Variants in INPP5A observed in about 807,000 individuals in gnomAD.
INPP5A encodes the protein 43 kDa inositol polyphosphate 5-phophatase.
INPP5A carries 14 observed loss-of-function variants against 65.2 expected under a neutral mutation model. The observed-to-expected ratio is 0.21, with a 90% CI of 0.14 to 0.34. The LOEUF (loss-of-function observed/expected upper bound fraction) is 0.34. Among genes scored for constraint, INPP5A ranks in the 10% least tolerant of loss-of-function variants. The pLI is 1.00. For synonymous variants in INPP5A, 207 were observed against 208.3 expected (o/e 0.99, Z 0.05); for missense variants, 431 against 545.6 (o/e 0.79, Z 2.09).
In INPP5A at chr10:132,670,689, C is replaced by T. The variant is rs545797090; in HGVS notation, c.307-19703C>T. Among the ~76,000 whole-genome samples the T allele has an allele frequency of 7.2e-5, 11 of 152,002 alleles. No homozygotes were observed. In the South Asian group the frequency reaches 2.3e-3, roughly 32 times the overall value. ...TGGGAGGTCCCAGTGGGGAGCCTGT[C>T]TTCTCCCCAGAACACCCAGTCTCCC... On this transcript the variant is annotated intron_variant, in intron 4 of 15. Coordinates refer to ENST00000368594, the MANE Select transcript of INPP5A (RefSeq NM_005539.5).
chr10:132,778,181 T>G (rs946049036), intron 13 of INPP5A, among the ~76,000 whole-genome samples: 6 of 151,990 alleles, frequency 3.9e-5, no homozygotes, highest in African/African-American at 1.5e-4. Context: ...TTTCCTAAGT[T>G]GTAAATTAGA....
At position 132,650,534 on chromosome 10, in the gene INPP5A, G is replaced by T. The variant is rs1430671201; in HGVS notation, c.306+29G>T. On this transcript the variant is annotated intron_variant, in intron 4 of 15. Transcript: ENST00000368594. The surrounding 1 kb of genome is among the most constrained non-coding windows in gnomAD (Gnocchi z 5.5). ...AGTCCCTCCCGCTGCCTGGTGCAGG[G>T]GTCAGACAGGCTGGCCTTGGCAGAA... 4 of 1,523,808 alleles carry T rather than the reference G, an allele frequency of 2.6e-6. No individual in the cohort carries two copies. The South Asian group carries it at 3.4e-5, about 13-fold the overall frequency. The allele number at this position is 1,523,808 out of a possible 1,614,324, so 94.4% of individuals were successfully genotyped here.
Position 132,630,598 on chromosome 10 carries a change from G to GTCCATGAGGGGAAGACA in INPP5A, c.118-15204_118-15188dup, listed in dbSNP as rs1212696858. ...AGGAAGACGTCCATGAGGGGAAGAC[G>GTCCATGAGGGGAAGACA]TCCATGAGGGGAAGACATCCATGAG... On this transcript the variant is annotated intron_variant, in intron 2 of 15. Transcript: ENST00000368594. 1.6e-3 allele frequency among the ~76,000 whole-genome samples: 230 copies of GTCCATGAGGGGAAGACA among 145,870 alleles called. 3 individuals are homozygous for GTCCATGAGGGGAAGACA. The highest frequency in any genetic ancestry group is 5.7e-3 in the African/African-American group (209 of 36,660).
chr10:132,762,741 A>AGGG lies in INPP5A; in HGVS notation c.904-3032_904-3031insGGG, dbSNP rs1846756763. Among the ~76,000 whole-genome samples, 1 of 152,188 alleles carries AGGG rather than the reference A, an allele frequency of 6.6e-6. No homozygotes were observed. Among genetic ancestry groups the AGGG allele is most frequent in the Non-Finnish European group, 1.5e-5 (1 of 68,036 alleles). On this transcript the variant is annotated intron_variant, in intron 11 of 15. Coordinates refer to ENST00000368594, the MANE Select transcript of INPP5A (RefSeq NM_005539.5). This position sits in a 1 kb window ranked among gnomAD's most constrained non-coding sequence, Gnocchi z 4.6. Reference sequence around the variant, plus strand: ...ACATACTTGGGGCTGGGCACGGTAGAACACTTGGGGAGGCCGAGGCAGGAG... The same window carrying AGGG: ...ACATACTTGGGGCTGGGCACGGTAGAGGGACACTTGGGGAGGCCGAGGCAGGAG...
chr10:132,755,868 G>C (rs1239450477), intron 11 of INPP5A, among the ~76,000 whole-genome samples: 2 of 152,142 alleles, frequency 1.3e-5, no homozygotes, highest in Non-Finnish European at 2.9e-5. Flanking sequence ...GTGTTCAGTG[G>C]TGACAGTGAA....
At chr10:132,570,076 A>G (rs1396461978) in intron 1 of INPP5A, among the ~76,000 whole-genome samples, 1 of 150,042 alleles carries the variant, frequency 6.7e-6, no homozygotes, top group Non-Finnish European at 1.5e-5. Flanking sequence ...CTGAGATTAC[A>G]GGCGTGAGCC....
At chr10:132,680,788 G>C (rs527283175) in intron 4 of INPP5A, among the ~76,000 whole-genome samples, 12 of 152,390 alleles carry the variant, frequency 7.9e-5, no homozygotes, top group South Asian at 4.1e-4. Context: ...GAGGGGCTTA[G>C]CACCCGGGCC....
chr10:132,756,583 C>T (rs578090708), intron 11 of INPP5A, among the ~76,000 whole-genome samples: 18 of 152,332 alleles, frequency 1.2e-4, no homozygotes, highest in Middle Eastern at 3.4e-3. Context: ...GGAGCCGCTG[C>T]GCCGCCTGCT....
At chr10:132,699,335 C>G (rs1845398209) in intron 6 of INPP5A, among the ~76,000 whole-genome samples, 1 of 138,404 alleles carries the variant, frequency 7.2e-6, no homozygotes, top group Non-Finnish European at 1.5e-5. Context: ...GACTCAGGGC[C>G]CTTTGTGGGA....
rs2070959795 is a variant in INPP5A at position 132,545,586 on chromosome 10, T to C, written c.75+7415T>C. On this transcript the variant is annotated intron_variant, in intron 1 of 15. Coordinates refer to ENST00000368594, the MANE Select transcript of INPP5A (RefSeq NM_005539.5). The surrounding 1 kb of genome is among the most constrained non-coding windows in gnomAD (Gnocchi z 4.6). Reference sequence around the variant, plus strand: ...TGTGAGTGCACTCCAGTGAAATACCTGTGGGGGCCTTAGGGGAAGAGGGTG... The same window carrying C: ...TGTGAGTGCACTCCAGTGAAATACCCGTGGGGGCCTTAGGGGAAGAGGGTG... 6.6e-6 allele frequency among the ~76,000 whole-genome samples: 1 copy of C among 152,204 alleles called. No homozygotes were observed. The highest frequency in any genetic ancestry group is 2.1e-4 in the South Asian group (1 of 4,826).
chr10:132,563,642 G>A (rs1251293706), intron 1 of INPP5A, among the ~76,000 whole-genome samples: 1 of 152,104 alleles, frequency 6.6e-6, no homozygotes, highest in African/African-American at 2.4e-5. Flanking sequence ...AACGAAGTGC[G>A]AGTGGGTGTC....
At chr10:132,754,678 G>A (rs1435615006) in intron 11 of INPP5A, among the ~76,000 whole-genome samples, 2 of 152,254 alleles carry the variant, frequency 1.3e-5, no homozygotes, top group Non-Finnish European at 2.9e-5. Flanking sequence ...TTGGTCCACT[G>A]AGCAGTCCTG....
intron 1 of INPP5A, among the ~76,000 whole-genome samples, chr10:132,552,379 T>C (rs2071065804): frequency 7.1e-6 from 1 of 141,064 alleles, no homozygotes; most frequent in South Asian, 2.3e-4. Flanking sequence ...CTTGGTGGCA[T>C]ATTGAGTGGG....
intron 1 of INPP5A, among the ~76,000 whole-genome samples, chr10:132,557,255 G>T (rs1032837962): frequency 5.3e-5 from 8 of 152,222 alleles, no homozygotes; most frequent in African/African-American, 1.7e-4. Flanking sequence ...CTCGCCCGGG[G>T]CCACTGTGAC....
At chr10:132,592,389 C>T (rs923950061) in intron 1 of INPP5A, among the ~76,000 whole-genome samples, 3 of 150,860 alleles carry the variant, frequency 2.0e-5, no homozygotes, top group African/African-American at 7.3e-5. Flanking sequence ...AAAACAAAAT[C>T]TAAGTGGGGC....
chr10:132,774,069 C>T (rs1260307354), intron 12 of INPP5A, among the ~76,000 whole-genome samples: 1 of 152,208 alleles, frequency 6.6e-6, no homozygotes, highest in Non-Finnish European at 1.5e-5. Context: ...GCCCCCCAGA[C>T]CCTCTTGGAA....
chr10:132,600,079 T>A (rs75523587), intron 1 of INPP5A, among the ~76,000 whole-genome samples: 23,477 of 152,262 alleles, frequency 0.15, 2,145 homozygotes, highest in East Asian at 0.31. Flanking sequence ...TCTTGGGGAT[T>A]AACAACAGGC....
chr10:132,717,673 C>T lies in INPP5A; in HGVS notation c.647+7217C>T, dbSNP rs575332785. 1.9e-3 allele frequency among the ~76,000 whole-genome samples: 282 copies of T among 149,688 alleles called. 5 individuals carry two copies. The South Asian group carries it at 0.058, about 31-fold the overall frequency. On this transcript the variant is annotated intron_variant, in intron 8 of 15. Transcript: ENST00000368594. ...CTGTGGTGCCTGGGTTCTGTCTGGG[C>T]GCCTTAGACGGCTGTCTTGCGGGTT...
chr10:132,557,216 A>G (rs2071138141), intron 1 of INPP5A, among the ~76,000 whole-genome samples: 1 of 152,228 alleles, frequency 6.6e-6, no homozygotes, highest in South Asian at 2.1e-4. Flanking sequence ...ACTGTCTCAC[A>G]TGAGGGATGG....
Sources: gnomAD v4.1 joint callset for allele counts (sites outside exome capture counted in the v4.1 genomes callset) on GRCh38, gnomAD v4.1.1 for gene constraint, Gnocchi (gnomAD v3.1) non-coding constraint, MANE v1.5 for transcripts, NCBI Gene and HGNC (gene_info 2026-07-23, HGNC 2026-07-21) for gene names.